Variants in NLGN1 observed in about 807,000 individuals in gnomAD.
The protein encoded by NLGN1 is neuroligin-1.
Under a neutral mutation model 65.5 loss-of-function variants are expected in NLGN1, and 12 were observed. The ratio of observed to expected loss-of-function variants is 0.18; its 90% CI spans 0.12 to 0.30. The LOEUF (loss-of-function observed/expected upper bound fraction) is 0.30, where lower values mean the gene tolerates loss of function less well. NLGN1 is among the 10% of genes least tolerant of loss of function. The pLI is 1.00. For synonymous variants in NLGN1, 350 were observed against 359.5 expected (o/e 0.97, Z 0.30); for missense variants, 750 against 1,007.1 (o/e 0.74, Z 3.46).
chr3:173,752,412 A>G (rs556023525), intron 3 of NLGN1, among the ~76,000 whole-genome samples: 6 of 152,138 alleles, frequency 3.9e-5, no homozygotes, highest in Admixed American at 6.6e-5. Flanking sequence ...CTTGCTGTCA[A>G]GGATTCCCCT....
At chr3:173,969,733 G>C (rs1319905652) in intron 4 of NLGN1, among the ~76,000 whole-genome samples, 1 of 152,000 alleles carries the variant, frequency 6.6e-6, no homozygotes, top group Admixed American at 6.6e-5. Flanking sequence ...GTCTATGGCA[G>C]AACTTACATT....
chr3:173,797,578 A>G (rs1714383015), intron 3 of NLGN1, among the ~76,000 whole-genome samples: 1 of 152,022 alleles, frequency 6.6e-6, no homozygotes, highest in Admixed American at 6.6e-5. Context: ...AAGATGTCCT[A>G]TACAATGCAT....
chr3:173,722,651 CAG>C (rs1771052276), intron 3 of NLGN1, among the ~76,000 whole-genome samples: 1 of 152,136 alleles, frequency 6.6e-6, no homozygotes, highest in South Asian at 2.1e-4. Context: ...ACATCAAATC[CAG>C]AGTCTGTCAC....
At chr3:174,211,621 T>C (rs1034528892) in intron 4 of NLGN1, among the ~76,000 whole-genome samples, 62 of 151,546 alleles carry the variant, frequency 4.1e-4, no homozygotes, top group African/African-American at 1.5e-3. Flanking sequence ...AGAGTGTCGA[T>C]TGGTGCACTC....
chr3:174,286,222 T>G (rs1475090166), exon 7 of NLGN1: 1 of 151,528 alleles, frequency 6.6e-6, no homozygotes, highest in Non-Finnish European at 1.5e-5. Context: ...CCCATATACT[T>G]ACAAATGACA....
At chr3:173,420,825 G>A (rs955042806) in intron 1 of NLGN1, among the ~76,000 whole-genome samples, 1 of 152,168 alleles carries the variant, frequency 6.6e-6, no homozygotes, top group Non-Finnish European at 1.5e-5. Flanking sequence ...ACACTAATTT[G>A]ATATGTGTAC....
chr3:174,029,317 G>A (rs1179254585), intron 4 of NLGN1, among the ~76,000 whole-genome samples: 1 of 152,202 alleles, frequency 6.6e-6, no homozygotes, highest in Non-Finnish European at 1.5e-5. Context: ...TGACCTGGAT[G>A]AAAGACATGG....
chr3:173,839,391 G>T (rs1013830232), intron 4 of NLGN1, among the ~76,000 whole-genome samples: 3 of 151,580 alleles, frequency 2.0e-5, no homozygotes, highest in Non-Finnish European at 4.4e-5. Context: ...CATCCTCAGA[G>T]AAGTTTTTTG....
exon 3 of NLGN1, chr3:173,604,667 G>C: frequency 6.2e-7 from 1 of 1,613,710 alleles, no homozygotes; most frequent in South Asian, 1.1e-5. Flanking sequence ...TGGTACACCG[G>C]GGATTGGGTG....
intron 1 of NLGN1, among the ~76,000 whole-genome samples, chr3:173,415,943 A>AGAGCGAGAGAGCGAGAGC (rs141095727): frequency 7.0e-6 from 1 of 142,828 alleles, no homozygotes; most frequent in African/African-American, 2.8e-5. Flanking sequence ...AGAGAGAGAG[A>AGAGCGAGAGAGCGAGAGC]GCTTGGTATA....
chr3:173,775,687 A>G (rs779370604), intron 3 of NLGN1, among the ~76,000 whole-genome samples: 4 of 152,290 alleles, frequency 2.6e-5, no homozygotes, highest in Non-Finnish European at 5.9e-5. Flanking sequence ...TTTTGAAAGC[A>G]TGTGCTTTTA....
At chr3:174,144,759 G>C (rs535739519) in intron 4 of NLGN1, among the ~76,000 whole-genome samples, 1 of 151,452 alleles carries the variant, frequency 6.6e-6, no homozygotes, top group Admixed American at 6.6e-5. Context: ...TTTTTGATGG[G>C]GTCTTGTAAA....
chr3:174,210,828 A>T (rs912776728), intron 4 of NLGN1, among the ~76,000 whole-genome samples: 5 of 152,198 alleles, frequency 3.3e-5, no homozygotes, highest in Non-Finnish European at 5.9e-5. Context: ...ATTATAACAC[A>T]TTCTTTTTAC....
At chr3:173,749,410 G>A (rs1052458971) in intron 3 of NLGN1, among the ~76,000 whole-genome samples, 27 of 151,992 alleles carry the variant, frequency 1.8e-4, no homozygotes, top group Admixed American at 1.1e-3. Flanking sequence ...TTGTTCTAGC[G>A]AAATAATCTT....
At chr3:173,582,286 G>A (rs1269475187) in intron 2 of NLGN1, among the ~76,000 whole-genome samples, 1 of 151,930 alleles carries the variant, frequency 6.6e-6, no homozygotes, top group Non-Finnish European at 1.5e-5. Context: ...AAGGTGTTTA[G>A]ATTATTTCTC....
At chr3:173,654,711 T>C (rs1759718237) in intron 3 of NLGN1, among the ~76,000 whole-genome samples, 1 of 152,210 alleles carries the variant, frequency 6.6e-6, no homozygotes, top group African/African-American at 2.4e-5. Context: ...GTATACATTT[T>C]GAAGCATTTT....
At chr3:174,166,970 A>C (rs1033754440) in intron 4 of NLGN1, among the ~76,000 whole-genome samples, 9 of 151,896 alleles carry the variant, frequency 5.9e-5, no homozygotes, top group Non-Finnish European at 8.8e-5. Flanking sequence ...TTGTTGGTTT[A>C]ATGTCTGCTT....
intron 4 of NLGN1, among the ~76,000 whole-genome samples, chr3:173,863,134 T>TAA (rs57735470): frequency 1.4e-5 from 2 of 142,622 alleles, no homozygotes; most frequent in African/African-American, 2.5e-5. Context: ...CGATGGCTGA[T>TAA]AAAAAAAAAA....
chr3:174,036,905 A>T (rs1230575127), intron 4 of NLGN1, among the ~76,000 whole-genome samples: 1 of 152,122 alleles, frequency 6.6e-6, no homozygotes, highest in African/African-American at 2.4e-5. Context: ...CTCTAGCTTT[A>T]TGCATGTTCC....
Sources: allele counts gnomAD v4.1 joint callset (sites outside exome capture counted in the v4.1 genomes callset), GRCh38; gene constraint gnomAD v4.1.1; transcripts MANE v1.5; gene names NCBI Gene and HGNC (gene_info 2026-07-23, HGNC 2026-07-21).